Variants in COBL observed in about 807,000 individuals in gnomAD.
The protein encoded by COBL is cordon-bleu WH2 repeat protein.
A neutral mutation model predicts 98.8 loss-of-function variants in COBL; 51 were observed. That is an observed-to-expected ratio of 0.52 (90% CI 0.41 to 0.65). The LOEUF (loss-of-function observed/expected upper bound fraction) is 0.65. Among genes scored for constraint, COBL ranks in the 30% least tolerant of loss-of-function variants. The pLI, the probability that COBL is intolerant of heterozygous loss-of-function variation, is 0.00. For missense variants in COBL, 1,617 were observed against 1,617.5 expected, an observed-to-expected ratio of 1.00 and a Z score of 0.01; for synonymous variants, 634 against 651.7, an observed-to-expected ratio of 0.97 and a Z score of 0.41.
chr7:51,060,858 T>C (rs896014448), intron 7 of COBL, among the ~76,000 whole-genome samples: 2 of 152,194 alleles, frequency 1.3e-5, no homozygotes, highest in Non-Finnish European at 2.9e-5. Flanking sequence ...AAGGGGTTTA[T>C]GGTGTTGGCT....
intron 7 of COBL, among the ~76,000 whole-genome samples, chr7:51,076,328 C>T (rs965591450): frequency 6.6e-6 from 1 of 152,240 alleles, no homozygotes; most frequent in Non-Finnish European, 1.5e-5. Context: ...GGGCCATCAG[C>T]CAAATTCCCG....
rs1786317055 is a variant in COBL at position 51,016,689 on chromosome 7, C to T, written c.*862G>A. On this transcript the variant is annotated 3_prime_UTR_variant, in exon 13 of 13. Transcript: ENST00000265136. The stretch of plus-strand genomic sequence containing the variant: ...GCATCCAACATCCCTGCTCCTTGAC[C>T]CTCTGCAGGATTCCAGAAGGCTCCC... 2.8e-6 allele frequency: 1 copy of T among 356,072 alleles called. No individual in the cohort carries two copies. Among genetic ancestry groups the T allele is most frequent in the Non-Finnish European group, 5.0e-6 (1 of 199,400 alleles). The allele number at this position is 356,072 out of a possible 1,614,324, so 22.1% of individuals were successfully genotyped here.
intron 6 of COBL, among the ~76,000 whole-genome samples, chr7:51,087,674 A>C (rs1794410335): frequency 6.7e-6 from 1 of 150,268 alleles, no homozygotes; most frequent in African/African-American, 2.5e-5. Context: ...GGGTTTTGCC[A>C]TGTTGGCCAG....
intron 5 of COBL, among the ~76,000 whole-genome samples, chr7:51,158,630 G>A (rs1171956122): frequency 1.3e-5 from 2 of 152,140 alleles, no homozygotes; most frequent in Non-Finnish European, 2.9e-5. Flanking sequence ...TGGGGCAGGT[G>A]CCACTAGGAA....
chr7:51,247,432 G>C (rs553909003), intron 1 of COBL, among the ~76,000 whole-genome samples: 1 of 152,300 alleles, frequency 6.6e-6, no homozygotes, highest in Non-Finnish European at 1.5e-5. Context: ...TGGAAGTGTT[G>C]AAAATTGGAA....
At chr7:51,033,499 T>C (rs1285244232) in intron 8 of COBL, 1 of 152,252 alleles carries the variant, frequency 6.6e-6, no homozygotes, top group Admixed American at 6.5e-5. Flanking sequence ...TAGCATGTTA[T>C]GTGAAGAAAT....
intron 5 of COBL, among the ~76,000 whole-genome samples, chr7:51,154,626 C>T (rs562872907): frequency 6.6e-6 from 1 of 152,290 alleles, no homozygotes; most frequent in South Asian, 2.1e-4. Context: ...CGTGGCTGGG[C>T]CATGGGTATC....
chr7:51,077,651 C>T (rs1164763664), intron 7 of COBL, among the ~76,000 whole-genome samples: 1 of 152,204 alleles, frequency 6.6e-6, no homozygotes, highest in Non-Finnish European at 1.5e-5. Flanking sequence ...ATCCAGTATT[C>T]TTCAGATTCA....
chr7:51,277,573 C>A (rs11761297), intron 1 of COBL, among the ~76,000 whole-genome samples: 2 of 152,158 alleles, frequency 1.3e-5, no homozygotes, highest in Non-Finnish European at 2.9e-5. Flanking sequence ...CCCGCCCACC[C>A]GACTTTGGGC....
chr7:51,034,716 G>A (rs1221031662), intron 8 of COBL: 1 of 152,210 alleles, frequency 6.6e-6, no homozygotes, highest in African/African-American at 2.4e-5. Flanking sequence ...TGAAGAGTTA[G>A]CAGTCAGCAA....
intron 7 of COBL, among the ~76,000 whole-genome samples, chr7:51,082,394 T>C (rs74993830): frequency 6.6e-6 from 1 of 152,108 alleles, no homozygotes. Flanking sequence ...TGTATAAAAC[T>C]ATGCCTGTCC....
intron 5 of COBL, among the ~76,000 whole-genome samples, chr7:51,161,941 T>G (rs1321928286): frequency 6.6e-6 from 1 of 152,244 alleles, no homozygotes; most frequent in Non-Finnish European, 1.5e-5. Context: ...TTTATCAGAC[T>G]GATATAATAA....
intron 5 of COBL, among the ~76,000 whole-genome samples, chr7:51,183,396 C>T (rs116149312): frequency 0.023 from 3,501 of 151,940 alleles, 139 homozygotes; most frequent in African/African-American, 0.08. Context: ...AATATAAATA[C>T]GGATAATGAG....
At chr7:51,042,062 C>G (rs1789252314) in intron 8 of COBL, among the ~76,000 whole-genome samples, 1 of 152,108 alleles carries the variant, frequency 6.6e-6, no homozygotes, top group Non-Finnish European at 1.5e-5. Flanking sequence ...TTCTTCATAT[C>G]ACACCCAAAA....
At chr7:51,090,941 A>G (rs1435507705) in intron 6 of COBL, among the ~76,000 whole-genome samples, 1 of 152,228 alleles carries the variant, frequency 6.6e-6, no homozygotes, top group Non-Finnish European at 1.5e-5. Context: ...TAAAGAAGAA[A>G]TCAGCAAACC....
intron 1 of COBL, among the ~76,000 whole-genome samples, chr7:51,276,786 AG>A (rs1261979761): frequency 6.6e-6 from 1 of 152,164 alleles, no homozygotes; most frequent in African/African-American, 2.4e-5. Flanking sequence ...GGAAAACCCA[AG>A]GGCATTCTGG....
chr7:51,173,980 G>C (rs1269572224), intron 5 of COBL, among the ~76,000 whole-genome samples: 1 of 151,972 alleles, frequency 6.6e-6, no homozygotes, highest in Admixed American at 6.6e-5. Context: ...ATGTAGTAAA[G>C]AGTCACCTTA....
intron 12 of COBL, among the ~76,000 whole-genome samples, chr7:51,019,300 G>A (rs1786677200): frequency 6.6e-6 from 1 of 151,936 alleles, no homozygotes; most frequent in Non-Finnish European, 1.5e-5. Flanking sequence ...GCACCAGGGA[G>A]CGTGTCTACC....
intron 7 of COBL, among the ~76,000 whole-genome samples, chr7:51,075,418 A>T (rs1488436323): frequency 1.3e-5 from 2 of 152,228 alleles, no homozygotes; most frequent in Non-Finnish European, 2.9e-5. Context: ...ACTATTCTAA[A>T]GCATTAAATC....
Sources: gnomAD v4.1 joint callset for allele counts (sites outside exome capture counted in the v4.1 genomes callset) on GRCh38, gnomAD v4.1.1 for gene constraint, MANE v1.5 for transcripts, NCBI Gene and HGNC (gene_info 2026-07-23, HGNC 2026-07-21) for gene names.